The following BABAM2 variants were observed in gnomAD, a reference collection of about 807,000 sequenced individuals.
The protein encoded by BABAM2 is BRISC and BRCA1-A complex member 2.
BABAM2 carries 31 observed loss-of-function variants against 54.7 expected under a neutral mutation model. The ratio of observed to expected loss-of-function variants is 0.57; its 90% CI spans 0.43 to 0.77. The LOEUF is 0.77. BABAM2 is among the 30% of genes least tolerant of loss of function. The pLI is 0.00. For missense variants in BABAM2, 364 were observed against 455.8 expected (o/e 0.80, Z 1.83); for synonymous variants, 167 against 162.9 (o/e 1.03, Z -0.19).
chr2:28,153,840 TA>T (rs1416532622), intron 7 of BABAM2, among the ~76,000 whole-genome samples: 4 of 152,230 alleles, frequency 2.6e-5, no homozygotes, highest in Non-Finnish European at 1.5e-5. Context: ...ATTTAGGAGT[TA>T]CTACCTAATT....
chr2:27,915,842 C>T (rs1194824221), intron 2 of BABAM2, among the ~76,000 whole-genome samples: 1 of 152,130 alleles, frequency 6.6e-6, no homozygotes, highest in Non-Finnish European at 1.5e-5. Flanking sequence ...CTACAATTCT[C>T]TCTCTCTACT....
chr2:28,077,973 C>T (rs1273495511), intron 6 of BABAM2, among the ~76,000 whole-genome samples: 2 of 152,074 alleles, frequency 1.3e-5, no homozygotes, highest in African/African-American at 2.4e-5. Context: ...TCCTCTTTTC[C>T]ACTTTCTGGG....
chr2:28,062,810 A>G (rs1347776340), intron 6 of BABAM2, among the ~76,000 whole-genome samples: 1 of 152,118 alleles, frequency 6.6e-6, no homozygotes, highest in Non-Finnish European at 1.5e-5. Flanking sequence ...TAGAAATCTC[A>G]AGTGTTTATC....
chr2:27,920,149 C>T (rs933225868), intron 2 of BABAM2, among the ~76,000 whole-genome samples: 2 of 152,182 alleles, frequency 1.3e-5, no homozygotes, highest in South Asian at 2.1e-4. Flanking sequence ...GAAAATCAAC[C>T]GAGAAAATCT....
chr2:27,987,354 G>C (rs1247166976), intron 3 of BABAM2, among the ~76,000 whole-genome samples: 1 of 152,148 alleles, frequency 6.6e-6, no homozygotes. Context: ...CTTCGTAAAG[G>C]CTTACTAATT....
intron 4 of BABAM2, among the ~76,000 whole-genome samples, chr2:28,022,102 T>C (rs1200791571): frequency 6.6e-6 from 1 of 152,164 alleles, no homozygotes; most frequent in Non-Finnish European, 1.5e-5. Context: ...TGCGGAGCTA[T>C]TGATATGGGA....
chr2:28,011,110 G>A (rs749401910), intron 4 of BABAM2, among the ~76,000 whole-genome samples: 3 of 152,150 alleles, frequency 2.0e-5, no homozygotes, highest in African/African-American at 7.2e-5. Flanking sequence ...TGAGAATGGG[G>A]AAGGGAAGTC....
rs530377596 is a variant in BABAM2 at position 28,136,121 on chromosome 2, A to G, written c.680+6741A>G. On this transcript the variant is annotated intron_variant, in intron 7 of 11. Coordinates refer to ENST00000379624, the MANE Select transcript of BABAM2 (RefSeq NM_199191.3). The stretch of plus-strand genomic sequence containing the variant: ...CAGAATTTTGTGATTTCCCGAACAC[A>G]TCTTGTATTTTTTTCACTTCCATAC... 5.8e-4 allele frequency among the ~76,000 whole-genome samples: 88 copies of G among 152,228 alleles called. 2 individuals are homozygous for G. In the South Asian group the frequency reaches 0.017, roughly 30 times the overall value.
At chr2:28,134,365 C>T (rs1270421202) in intron 7 of BABAM2, 1 of 152,230 alleles carries the variant, frequency 6.6e-6, no homozygotes, top group Non-Finnish European at 1.5e-5. Flanking sequence ...GTGAAACATG[C>T]TCTACCTTTC....
At chr2:28,082,973 A>G (rs1372073585) in intron 6 of BABAM2, among the ~76,000 whole-genome samples, 1 of 151,970 alleles carries the variant, frequency 6.6e-6, no homozygotes, top group East Asian at 1.9e-4. Context: ...CCACTTTGCT[A>G]GACAACCTCA....
At chr2:28,143,507 AACAC>A (rs771650942) in intron 7 of BABAM2, among the ~76,000 whole-genome samples, 1 of 152,142 alleles carries the variant, frequency 6.6e-6, no homozygotes, top group South Asian at 2.1e-4. Context: ...ATGTGCTTTT[AACAC>A]ACACACAAGT....
chr2:27,925,055 C>T lies in BABAM2; in HGVS notation c.129-4777C>T, dbSNP rs1024581299. Among the ~76,000 whole-genome samples, 8 of 152,130 alleles carry T rather than the reference C, an allele frequency of 5.3e-5. No homozygotes were observed. In the South Asian group the frequency reaches 8.3e-4, roughly 16 times the overall value. ...AGATTCCTCTCAGCAAAGCAGAATC[C>T]CTGCACCTAACTGGAGATTATAATT... On this transcript the variant is annotated intron_variant, in intron 2 of 11. Transcript: ENST00000379624.
intron 11 of BABAM2, among the ~76,000 whole-genome samples, chr2:28,314,535 G>A (rs2148289789): frequency 6.6e-6 from 1 of 152,330 alleles, no homozygotes; most frequent in East Asian, 1.9e-4. Context: ...GTGTGGATTT[G>A]TAGTGGCTAA....
At chr2:28,000,970 CT>C (rs1673537866) in intron 4 of BABAM2, among the ~76,000 whole-genome samples, 1 of 152,120 alleles carries the variant, frequency 6.6e-6, no homozygotes, top group Admixed American at 6.5e-5. Flanking sequence ...CTGCTCCAGT[CT>C]TAGTATCAGC....
chr2:28,295,285 A>T (rs1052239564), intron 10 of BABAM2, among the ~76,000 whole-genome samples: 1 of 152,216 alleles, frequency 6.6e-6, no homozygotes, highest in Non-Finnish European at 1.5e-5. Context: ...TATTATCTGC[A>T]TTGCTTTGGA....
intron 3 of BABAM2, among the ~76,000 whole-genome samples, chr2:27,970,431 T>C (rs1404887945): frequency 3.3e-5 from 5 of 152,240 alleles, no homozygotes; most frequent in Non-Finnish European, 7.3e-5. Flanking sequence ...TGCCATGTTT[T>C]AGAAGTCTCT....
intron 7 of BABAM2, among the ~76,000 whole-genome samples, chr2:28,230,713 C>G (rs1177726209): frequency 5.1e-5 from 3 of 58,294 alleles, no homozygotes; most frequent in Non-Finnish European, 7.2e-5. Context: ...AAGACCCTGT[C>G]TCAGGAAAAA....
At chr2:28,176,312 G>A (rs1674936559) in intron 7 of BABAM2, among the ~76,000 whole-genome samples, 2 of 152,052 alleles carry the variant, frequency 1.3e-5, no homozygotes, top group Admixed American at 6.6e-5. Flanking sequence ...ACTCATGCCT[G>A]TAATCCCAGC....
chr2:28,258,326 G>A (rs906691685), intron 10 of BABAM2, among the ~76,000 whole-genome samples: 11 of 152,130 alleles, frequency 7.2e-5, no homozygotes, highest in Non-Finnish European at 1.3e-4. Context: ...TATGGTGCAC[G>A]TATTTTAACT....
Sources: gnomAD v4.1 joint callset for allele counts (sites outside exome capture counted in the v4.1 genomes callset) on GRCh38, gnomAD v4.1.1 for gene constraint, MANE v1.5 for transcripts, NCBI Gene and HGNC (gene_info 2026-07-23, HGNC 2026-07-21) for gene names.